Variants in PRDM14 observed in about 807,000 individuals in gnomAD.
PRDM14 encodes PR domain zinc finger protein 14.
PRDM14 carries 16 observed loss-of-function variants against 48.0 expected under a neutral mutation model. The ratio of observed to expected loss-of-function variants is 0.33; its 90% CI spans 0.23 to 0.51. PRDM14 has a LOEUF of 0.51. Ranked by LOEUF, PRDM14 falls within the 20% of genes least tolerant of loss-of-function variation. PRDM14 has a pLI of 0.97. For synonymous variants in PRDM14, 264 were observed against 276.6 expected (o/e 0.95, Z 0.45); for missense variants, 566 against 719.6 (o/e 0.79, Z 2.44).
chr8:70,069,096 GA>G (rs1313958753), intron 2 of PRDM14, 64 bp downstream of exon 2: 1 of 1,303,746 alleles, frequency 7.7e-7, no homozygotes, highest in Non-Finnish European at 1.0e-6. Flanking sequence ...CCTCTTCCCG[GA>G]CACTCCCGTT....
At chr8:70,055,664 C>T (rs182567731) in intron 6 of PRDM14, among the ~76,000 whole-genome samples, 9 of 152,198 alleles carry the variant, frequency 5.9e-5, no homozygotes, top group Non-Finnish European at 1.3e-4. Context: ...TGCCACTAAG[C>T]CAGCTAACTT....
intron 5 of PRDM14, among the ~76,000 whole-genome samples, 191 bp downstream of exon 5, chr8:70,066,044 G>A (rs2131041745): frequency 6.6e-6 from 1 of 152,284 alleles, no homozygotes; most frequent in East Asian, 1.9e-4. Context: ...AATAGGAGTA[G>A]CTTCCGCAGC....
intron 6 of PRDM14, among the ~76,000 whole-genome samples, chr8:70,057,150 A>G (rs992555554): frequency 1.5e-4 from 23 of 151,662 alleles, no homozygotes; most frequent in Middle Eastern, 3.4e-3. Context: ...TATTTTTAGT[A>G]GAGATGGGGT....
chr8:70,067,545 C>G (rs868330503), intron 4 of PRDM14, among the ~76,000 whole-genome samples: 2 of 146,562 alleles, frequency 1.4e-5, no homozygotes, highest in African/African-American at 5.1e-5. Context: ...AAAAAAAAAA[C>G]AAAGAAAGAT....
chr8:70,062,594 G>A (rs1056080922), intron 5 of PRDM14, among the ~76,000 whole-genome samples: 2 of 151,790 alleles, frequency 1.3e-5, no homozygotes, highest in Non-Finnish European at 2.9e-5. Context: ...CTCCTGAGTA[G>A]CTGAGATTAC....
chr8:70,054,515 ATTTTTTTTTTTT>A (rs561179179), intron 7 of PRDM14, among the ~76,000 whole-genome samples: 1 of 115,028 alleles, frequency 8.7e-6, no homozygotes, highest in Non-Finnish European at 1.7e-5. Context: ...TGAAATAGTG[ATTTTTTTTTTTT>A]TTTTTTTTTG....
chr8:70,059,860 G>A (rs928781404), intron 5 of PRDM14, among the ~76,000 whole-genome samples: 1 of 152,188 alleles, frequency 6.6e-6, no homozygotes, highest in Admixed American at 6.5e-5. Flanking sequence ...TTGGGAAGCT[G>A]AGGCAGGTGG....
chr8:70,066,346 G>C lies in PRDM14; in HGVS notation c.1072C>G (p.Gln358Glu), dbSNP rs1296989182. The change falls in exon 5 of 8, where the codon CAG (glutamine) becomes GAG (glutamate). Residue 358 changes from glutamine to glutamate, a missense_variant. Transcript: ENST00000276594. ...IFYESCKEIH[Q>E]NQELLVWYGD... ...TACCACACAAGGAGCTCTTGGTTCTGATGGATCTCTTTGCAGCTCTCATAA... is the reference window on the plus strand; with the variant it reads ...TACCACACAAGGAGCTCTTGGTTCTCATGGATCTCTTTGCAGCTCTCATAA... 8 of 1,614,184 alleles carry C rather than the reference G, an allele frequency of 5.0e-6. No individual in the cohort carries two copies. The highest frequency in any genetic ancestry group is 6.8e-6 in the Non-Finnish European group (8 of 1,180,038).
intron 7 of PRDM14, among the ~76,000 whole-genome samples, chr8:70,054,711 G>T (rs1182604461): frequency 9.2e-5 from 14 of 151,452 alleles, no homozygotes; most frequent in Admixed American, 9.2e-4. Flanking sequence ...TAGAGATGGG[G>T]TTTCACCATG....
rs1371044820 is a variant in PRDM14, at chr8:70,069,404, G to A, written c.457C>T (p.Pro153Ser). ...GGTAACAGAGAAGCATCCGCAGGGGGCGGTGGAATTAAAGTGTCAGGTCCA... is the reference window on the plus strand; with the variant it reads ...GGTAACAGAGAAGCATCCGCAGGGGACGGTGGAATTAAAGTGTCAGGTCCA... The part of the protein sequence containing the change: ...CCGPDTLIPP[P>S]PADASLLPEG... The change falls in exon 2 of 8, where the codon CCC becomes TCC. Residue 153 changes from proline (P) to serine (S), a missense_variant. This residue lies in a region of PRDM14 where 410 missense variants were observed against 424.6 expected (regional missense o/e 0.97). Coordinates refer to ENST00000276594, the MANE Select transcript of PRDM14 (RefSeq NM_024504.4). The A allele has an allele frequency of 1.9e-6, 3 of 1,607,860 alleles. No homozygotes were observed. The highest frequency in any genetic ancestry group is 2.5e-6 in the Non-Finnish European group (3 of 1,176,836).
rs149635847 is a variant in PRDM14 at position 70,069,703 on chromosome 8, A to C, written c.158T>G (p.Phe53Cys). 9.2e-4 allele frequency: 1,438 copies of C among 1,564,712 alleles called. 5 individuals are homozygous for C. Among genetic ancestry groups the C allele is most frequent in the Middle Eastern group, 1.7e-3 (10 of 5,970 alleles). The change falls in exon 2 of 8, where the codon TTC becomes TGC. Residue 53 changes from phenylalanine (F) to cysteine (C), a missense_variant. By Grantham distance (205) the Phe-to-Cys change is radical (BLOSUM62 -2). Around this residue, in one of 3 missense-constraint regions of PRDM14, gnomAD observed 410 missense variants for 424.6 expected, o/e 0.97. Transcript: ENST00000276594. ...AGACGCTGCGGCCTCCAGCTGCCGG[A>C]AAGGTTGGAAGTCTTCCTCCACGGT... ...LATVEEDFQP[F>C]RQLEAAASAA...
chr8:70,066,424 G>A lies in PRDM14; in HGVS notation c.994C>T (p.Arg332Cys), dbSNP rs370561462. The A allele has an allele frequency of 3.1e-6, 5 of 1,613,964 alleles. No individual in the cohort carries two copies. Among genetic ancestry groups the A allele is most frequent in the East Asian group, 2.2e-5 (1 of 44,896 alleles). The part of the protein sequence containing the change: ...GNWMSYVNCA[R>C]FPKEQNLVAV... ...ACTAGGTTCTGCTCCTTGGGGAAGC[G>A]GGCACAGTTGACATAGGACATCCAG... Residue 332 changes from arginine to cysteine, a missense_variant, in exon 5 of 8, where the codon CGC becomes TGC. Coordinates refer to ENST00000276594, the MANE Select transcript of PRDM14 (RefSeq NM_024504.4).
chr8:70,065,762 A>G (rs1416627748), intron 5 of PRDM14, among the ~76,000 whole-genome samples: 1 of 150,262 alleles, frequency 6.7e-6, no homozygotes, highest in Non-Finnish European at 1.5e-5. Flanking sequence ...AATATTTTCT[A>G]TTCTACTCTA....
chr8:70,055,372 T>C lies in PRDM14; in HGVS notation c.1416A>G (p.Gln472=), dbSNP rs3750225. The C allele has an allele frequency of 0.64, 1,017,136 of 1,596,230 alleles. 327,185 individuals carry two copies. Among genetic ancestry groups the C allele is most frequent in the African/African-American group, 0.82 (61,041 of 74,558 alleles). ...KCSTCGKCFS[Q]SSSLNKHMRV... The stretch of plus-strand genomic sequence containing the variant: ...GCATGTGTTTGTTTAGGCTGGAAGA[T>C]TGAGAGAAACATTTCCCACATGTAG... Residue 472 remains glutamine (Q), a synonymous_variant, in exon 7 of 8, where the codon CAA becomes CAG. Coordinates refer to ENST00000276594, the MANE Select transcript of PRDM14 (RefSeq NM_024504.4).
chr8:70,051,770 T>TTTTGTTTTGGTTTG lies in PRDM14; in HGVS notation c.*306_*307insCAAACCAAAACAAA. The TTTTGTTTTGGTTTG allele has an allele frequency of 4.0e-6, 1 of 247,398 alleles. No individual in the cohort carries two copies. Among genetic ancestry groups the TTTTGTTTTGGTTTG allele is most frequent in the Non-Finnish European group, 7.8e-6 (1 of 127,638 alleles). 15.3% of individuals were successfully genotyped at this position (247,398 alleles called of 1,614,324 possible). A position where few individuals can be genotyped will look rare whatever the true frequency, so the allele number is the denominator to read the frequency against. On this transcript the variant is annotated 3_prime_UTR_variant, in exon 8 of 8. Transcript: ENST00000276594. ...CCACACTCTTGAGGGCTACTCATTT[T>TTTTGTTTTGGTTTG]TTTTGTTTTGTTTTGTTTTGAGACA...
intron 5 of PRDM14, among the ~76,000 whole-genome samples, chr8:70,065,775 CTT>C (rs60019808): frequency 0.066 from 9,506 of 144,152 alleles, 550 homozygotes; most frequent in East Asian, 0.34. Flanking sequence ...CTACTCTATA[CTT>C]TTTTTTTTTT....
chr8:70,058,592 A>G (rs1805521149), intron 6 of PRDM14, 48 bp downstream of exon 6: 2 of 1,547,858 alleles, frequency 1.3e-6, no homozygotes, highest in Non-Finnish European at 1.8e-6. Flanking sequence ...GGAGCTTGGG[A>G]AGGGAGAGAG....
At chr8:70,055,622 C>T (rs1805461107) in intron 6 of PRDM14, among the ~76,000 whole-genome samples, 1 of 151,982 alleles carries the variant, frequency 6.6e-6, no homozygotes, top group African/African-American at 2.4e-5. Flanking sequence ...CCTCCCACCT[C>T]AGCCTCCTGA....
rs762995343 is a variant in PRDM14 at position 70,052,053 on chromosome 8, CG to C, written c.*23del. The C allele has an allele frequency of 9.9e-6, 15 of 1,521,506 alleles. No individual in the cohort carries two copies. The highest frequency in any genetic ancestry group is 1.4e-5 in the African/African-American group (1 of 73,234). The allele number at this position is 1,521,506 out of a possible 1,614,324, so 94.3% of individuals were successfully genotyped here. ...CCTCCCAAAGTGCTGGGATTACAGG[CG>C]TGAGTCATTGTGCCTGGCAGGGCTA... On this transcript the variant is annotated 3_prime_UTR_variant, in exon 8 of 8. Transcript: ENST00000276594.
Sources: gnomAD v4.1 joint callset for allele counts (sites outside exome capture counted in the v4.1 genomes callset) on GRCh38, gnomAD v4.1.1 for gene constraint, gnomAD v4.1.1 regional missense constraint, MANE v1.5 for transcripts, NCBI Gene and HGNC (gene_info 2026-07-23, HGNC 2026-07-21) for gene names.